The following HMGCLL1 variants were observed in gnomAD, a reference collection of about 807,000 sequenced individuals.
HMGCLL1 encodes 3-hydroxymethyl-3-methylglutaryl-CoA lyase, cytoplasmic.
HMGCLL1 carries 36 observed loss-of-function variants against 39.1 expected under a neutral mutation model. The ratio of observed to expected loss-of-function variants is 0.92; its 90% confidence interval spans 0.71 to 1.22. The LOEUF (loss-of-function observed/expected upper bound fraction) is 1.22, where lower values mean the gene tolerates loss of function less well. HMGCLL1 is among the 50% of genes most tolerant of loss of function. The pLI, the probability that HMGCLL1 is intolerant of heterozygous loss-of-function variation, is 0.00. For missense variants in HMGCLL1, 451 were observed against 416.5 expected (o/e 1.08, Z -0.72); for synonymous variants, 149 against 144.0 (o/e 1.03, Z -0.25).
chr6:55,493,269 C>T (rs1766405297), intron 7 of HMGCLL1, among the ~76,000 whole-genome samples: 2 of 152,168 alleles, frequency 1.3e-5, no homozygotes, highest in South Asian at 4.1e-4. Flanking sequence ...TTCTCCTCCA[C>T]TCATAGCTGA....
chr6:55,604,979 T>G, the HMGCLL1 span, among the ~76,000 whole-genome samples: 1 of 152,214 alleles, frequency 6.6e-6, no homozygotes, highest in African/African-American at 2.4e-5. Context: ...ATTATTTTAT[T>G]TGTTGCTATT....
chr6:55,646,959 A>T, the HMGCLL1 span, among the ~76,000 whole-genome samples: 3 of 151,948 alleles, frequency 2.0e-5, no homozygotes, highest in Non-Finnish European at 4.4e-5. Flanking sequence ...TGTCTGGAAG[A>T]TCTATTCAAT....
At chr6:55,550,411 G>A (rs771387751) in intron 1 of HMGCLL1, among the ~76,000 whole-genome samples, 3 of 151,872 alleles carry the variant, frequency 2.0e-5, no homozygotes, top group East Asian at 1.9e-4. Flanking sequence ...ATCAGCTCCT[G>A]GGATTCCTGT....
the HMGCLL1 span, among the ~76,000 whole-genome samples, chr6:55,629,673 A>T: frequency 6.6e-6 from 1 of 152,146 alleles, no homozygotes; most frequent in Non-Finnish European, 1.5e-5. Context: ...GGCCAGGCCC[A>T]GGGTTCCTGT....
chr6:55,436,153 A>G (rs1227237101), intron 8 of HMGCLL1, among the ~76,000 whole-genome samples: 2 of 151,946 alleles, frequency 1.3e-5, no homozygotes. Flanking sequence ...TGACTTAGAA[A>G]AAAAACTATC....
chr6:55,651,593 G>C, the HMGCLL1 span, among the ~76,000 whole-genome samples: 1 of 152,072 alleles, frequency 6.6e-6, no homozygotes. Flanking sequence ...GTGCCAGTTG[G>C]TTTCTCCCTA....
At chr6:55,484,776 C>T (rs1483074538) in intron 7 of HMGCLL1, among the ~76,000 whole-genome samples, 1 of 152,090 alleles carries the variant, frequency 6.6e-6, no homozygotes, top group African/African-American at 2.4e-5. Flanking sequence ...TTATTTGTTT[C>T]CTGGACTATT....
At chr6:55,672,656 A>G in the HMGCLL1 span, among the ~76,000 whole-genome samples, 1 of 151,952 alleles carries the variant, frequency 6.6e-6, no homozygotes, top group African/African-American at 2.4e-5. Context: ...ACTGAACATT[A>G]GCCTTGAACA....
chr6:55,601,546 C>T, the HMGCLL1 span, among the ~76,000 whole-genome samples: 1 of 152,112 alleles, frequency 6.6e-6, no homozygotes, highest in Non-Finnish European at 1.5e-5. Context: ...AGGATATCAA[C>T]TTTACTCCTT....
At chr6:55,477,196 A>AT (rs1242569528) in intron 7 of HMGCLL1, among the ~76,000 whole-genome samples, 1 of 27,848 alleles carries the variant, frequency 3.6e-5, no homozygotes, top group Non-Finnish European at 5.1e-5. Flanking sequence ...TATATTATAT[A>AT]TTATATAATA....
Position 55,435,540 on chromosome 6 carries a change from T to C in HMGCLL1, c.*122A>G. The stretch of plus-strand genomic sequence containing the variant: ...CCAGTTATAATCTTTTTGAAAAGGA[T>C]CTCTTTTTTCCCACTCTTGTCCATT... On this transcript the variant is annotated 3_prime_UTR_variant, in exon 9 of 9. Coordinates refer to ENST00000274901, the MANE Select transcript of HMGCLL1 (RefSeq NM_001042406.2). The C allele has an allele frequency of 2.1e-6, 1 of 484,666 alleles. No homozygotes were observed. Among genetic ancestry groups the C allele is most frequent in the South Asian group, 4.6e-5 (1 of 21,736 alleles). 30.0% of individuals were successfully genotyped at this position (484,666 alleles called of 1,614,324 possible).
At chr6:55,556,915 T>C (rs1283430842) in intron 1 of HMGCLL1, among the ~76,000 whole-genome samples, 3 of 152,156 alleles carry the variant, frequency 2.0e-5, no homozygotes, top group Non-Finnish European at 4.4e-5. Flanking sequence ...GTAAAATGCA[T>C]AGAAAGTCAG....
At chr6:55,636,895 C>G in the HMGCLL1 span, among the ~76,000 whole-genome samples, 8 of 152,174 alleles carry the variant, frequency 5.3e-5, no homozygotes, top group South Asian at 1.7e-3. Flanking sequence ...GAGTATAGGA[C>G]GGTACAAAGG....
chr6:55,464,360 C>A (rs1343698297), intron 7 of HMGCLL1, among the ~76,000 whole-genome samples: 3 of 152,120 alleles, frequency 2.0e-5, no homozygotes, highest in African/African-American at 7.2e-5. Context: ...ATAACACTAA[C>A]TAATGTGACT....
chr6:55,588,175 G>T, the HMGCLL1 span, among the ~76,000 whole-genome samples: 1 of 152,058 alleles, frequency 6.6e-6, no homozygotes, highest in Non-Finnish European at 1.5e-5. Context: ...CTCAGCAAAT[G>T]TAAAAGAACA....
Position 55,543,098 on chromosome 6 carries a change from AATATATGATATAATATATAAT to A in HMGCLL1, c.109-979_109-959del, listed in dbSNP as rs1769579665. Among the ~76,000 whole-genome samples, 2 of 9,994 alleles carry A rather than the reference AATATATGATATAATATATAAT, an allele frequency of 2.0e-4. 1 individual carries two copies. The highest frequency in any genetic ancestry group is 4.5e-4 in the Non-Finnish European group (2 of 4,408). The allele number at this position is 9,994 out of a possible 152,430, so 6.6% of individuals were successfully genotyped here. ...TATACAGGTGTGATATATATAATAT[AATATATGATATAATATATAAT>A]ATATATCATATATATGATATATTAT... On this transcript the variant is annotated intron_variant, in intron 1 of 8. Coordinates refer to ENST00000274901, the MANE Select transcript of HMGCLL1 (RefSeq NM_001042406.2).
intron 5 of HMGCLL1, among the ~76,000 whole-genome samples, chr6:55,509,788 T>C (rs373872352): frequency 2.6e-5 from 4 of 151,898 alleles, no homozygotes; most frequent in African/African-American, 9.7e-5. Flanking sequence ...GCAATCCCTT[T>C]TGGAAGCATT....
upstream of HMGCLL1, chr6:55,579,202 C>T (rs1034267774): frequency 4.6e-6 from 3 of 649,954 alleles, no homozygotes; most frequent in African/African-American, 3.6e-5. Context: ...CGCACTGCGG[C>T]GGCGCCGAGA....
chr6:55,552,233 T>C (rs1008288703), intron 1 of HMGCLL1, among the ~76,000 whole-genome samples: 2 of 151,986 alleles, frequency 1.3e-5, no homozygotes, highest in Non-Finnish European at 2.9e-5. Context: ...GGCATATACA[T>C]GTAGCATAGA....
Sources: gnomAD v4.1 joint callset for allele counts (sites outside exome capture counted in the v4.1 genomes callset) on GRCh38, gnomAD v4.1.1 for gene constraint, MANE v1.5 for transcripts, NCBI Gene and HGNC (gene_info 2026-07-23, HGNC 2026-07-21) for gene names.